Variants in UGT3A1 observed in about 807,000 individuals in gnomAD.
The protein encoded by UGT3A1 is UDP-glycosyltransferase 3A1.
UGT3A1 carries 40 observed loss-of-function variants against 37.6 expected under a neutral mutation model. That is an observed-to-expected ratio of 1.06 (90% CI 0.83 to 1.38). UGT3A1 has a LOEUF of 1.38. UGT3A1 is among the 40% of genes most tolerant of loss of function. The probability of loss-of-function intolerance (pLI) is 0.00; values close to 1 mark genes in which losing one functional copy is unlikely to be tolerated. For synonymous variants in UGT3A1, 256 were observed against 232.3 expected (o/e 1.10, Z -0.93); for missense variants, 642 against 634.2 (o/e 1.01, Z -0.13).
intron 3 of UGT3A1, 52 bp from the exon 4 acceptor site, chr5:35,965,969 T>C: frequency 1.5e-6 from 2 of 1,357,340 alleles, no homozygotes; most frequent in South Asian, 1.6e-5. Context: ...AATTTTACAG[T>C]ATTTGGGAGA....
At chr5:35,957,571 C>A in intron 4 of UGT3A1, 152 bp from the exon 5 acceptor site, 1 of 671,988 alleles carries the variant, frequency 1.5e-6, no homozygotes. Context: ...TGGCACAGCT[C>A]AGTGACCTCT....
chr5:35,985,389 T>C (rs1011138031), intron 2 of UGT3A1, among the ~76,000 whole-genome samples: 31 of 152,256 alleles, frequency 2.0e-4, no homozygotes, highest in African/African-American at 7.5e-4. Context: ...TAAAAGATCC[T>C]GAGTAACCAA....
chr5:35,972,072 C>T (rs1221818990), intron 2 of UGT3A1, among the ~76,000 whole-genome samples: 2 of 147,842 alleles, frequency 1.4e-5, no homozygotes, highest in African/African-American at 5.0e-5. Flanking sequence ...AAGTCCAGAG[C>T]TGTCGTTCAA....
intron 2 of UGT3A1, among the ~76,000 whole-genome samples, chr5:35,977,814 T>A (rs1214245290): frequency 6.6e-6 from 1 of 152,176 alleles, no homozygotes; most frequent in Non-Finnish European, 1.5e-5. Context: ...TACCTTATAA[T>A]CCCATTTACG....
intron 6 of UGT3A1, 121 bp from the exon 7 acceptor site, chr5:35,954,599 G>A: frequency 1.5e-6 from 2 of 1,292,680 alleles, no homozygotes; most frequent in South Asian, 1.5e-5. Context: ...ACCAAGGCTG[G>A]GCTGCAAAGA....
rs369625698 is a variant in UGT3A1 at position 35,991,260 on chromosome 5, G to A, written c.-20C>T. The A allele has an allele frequency of 5.0e-6, 8 of 1,614,146 alleles. No homozygotes were observed. Among genetic ancestry groups the A allele is most frequent in the Non-Finnish European group, 6.8e-6 (8 of 1,179,972 alleles). On this transcript the variant is annotated 5_prime_UTR_variant, in exon 1 of 7. Coordinates refer to ENST00000274278, the MANE Select transcript of UGT3A1 (RefSeq NM_152404.4). ...AACCATGCTCACTTCCACAGAAGCA[G>A]CGGATCTCAGCCTGGGCTGCGCGCC...
At position 35,952,552 on chromosome 5, in the gene UGT3A1, T is replaced by C. The variant is rs1361581294; in HGVS notation, c.*1650A>G. 1 of 152,152 alleles carries C rather than the reference T, an allele frequency of 6.6e-6. No homozygotes were observed. Among genetic ancestry groups the C allele is most frequent in the East Asian group, 1.9e-4 (1 of 5,194 alleles). The allele number at this position is 152,152 out of a possible 1,614,324, so 9.4% of individuals were successfully genotyped here. The stretch of plus-strand genomic sequence containing the variant: ...GTTGACCTCAATGAATTACCAAGTG[T>C]TAGAGAAAGGCTATGTTCTGGGGTG... On this transcript the variant is annotated 3_prime_UTR_variant, in exon 7 of 7. Coordinates refer to ENST00000274278, the MANE Select transcript of UGT3A1 (RefSeq NM_152404.4).
chr5:35,990,858 GTCCT>G (rs1287076718), intron 1 of UGT3A1: 12 of 1,151,158 alleles, frequency 1.0e-5, no homozygotes, highest in Non-Finnish European at 1.3e-5. Context: ...TCAAGCTCTG[GTCCT>G]GGTCTCAAAT....
intron 2 of UGT3A1, among the ~76,000 whole-genome samples, chr5:35,985,118 CA>C (rs1228525326): frequency 1.6e-5 from 2 of 125,360 alleles, no homozygotes; most frequent in Non-Finnish European, 3.5e-5. Context: ...ATAATAGCTA[CA>C]AAAAATATAA....
At chr5:35,988,914 T>C (rs1018688398) in intron 1 of UGT3A1, among the ~76,000 whole-genome samples, 1 of 152,158 alleles carries the variant, frequency 6.6e-6, no homozygotes, top group East Asian at 1.9e-4. Context: ...AGAGATATTG[T>C]CTCCAAAATA....
At chr5:35,965,019 T>A (rs1739741718) in intron 4 of UGT3A1, among the ~76,000 whole-genome samples, 1 of 152,242 alleles carries the variant, frequency 6.6e-6, no homozygotes, top group African/African-American at 2.4e-5. Flanking sequence ...TGTGAGTAGC[T>A]CATCTCCTTA....
At chr5:35,978,019 T>C (rs1292908016) in intron 2 of UGT3A1, among the ~76,000 whole-genome samples, 1 of 152,164 alleles carries the variant, frequency 6.6e-6, no homozygotes, top group Non-Finnish European at 1.5e-5. Context: ...CATCAAATTG[T>C]ACATATGTTT....
rs1012192667 is a variant in UGT3A1, at chr5:35,991,363, C to A, written c.-123G>T. Reference sequence around the variant, plus strand: ...TGTGGGCCTAGGAAGAGGTAGGAGACGGATCCTGCCAATTCTCTCGCCCTT... The same window carrying A: ...TGTGGGCCTAGGAAGAGGTAGGAGAAGGATCCTGCCAATTCTCTCGCCCTT... On this transcript the variant is annotated 5_prime_UTR_variant, in exon 1 of 7. Coordinates refer to ENST00000274278, the MANE Select transcript of UGT3A1 (RefSeq NM_152404.4). 25 of 1,499,438 alleles carry A rather than the reference C, an allele frequency of 1.7e-5. No homozygotes were observed. In the South Asian group the frequency reaches 1.9e-4, roughly 11 times the overall value. 92.9% of individuals were successfully genotyped at this position (1,499,438 alleles called of 1,614,324 possible).
At chr5:35,960,478 C>A (rs141264979) in intron 4 of UGT3A1, among the ~76,000 whole-genome samples, 215 of 152,308 alleles carry the variant, frequency 1.4e-3, no homozygotes, top group African/African-American at 4.8e-3. Flanking sequence ...AGTTTGGCCG[C>A]AGCCTCCGCT....
At chr5:35,984,943 A>T (rs866767871) in intron 2 of UGT3A1, among the ~76,000 whole-genome samples, 9 of 152,184 alleles carry the variant, frequency 5.9e-5, no homozygotes, top group South Asian at 2.1e-4. Flanking sequence ...TATATTCTAT[A>T]AGTTCAAATG....
chr5:35,965,188 C>G (rs1226410564), intron 4 of UGT3A1, among the ~76,000 whole-genome samples, 198 bp downstream of exon 4: 3 of 152,150 alleles, frequency 2.0e-5, no homozygotes. Flanking sequence ...AAGGAGATCT[C>G]TATCTCAGGA....
chr5:35,991,679 C>T (rs971298493), upstream of UGT3A1: 21 of 983,630 alleles, frequency 2.1e-5, no homozygotes, highest in Non-Finnish European at 2.5e-5. Context: ...TTCCAGCTGC[C>T]TCTATTACCT....
rs1435323805 is a variant in UGT3A1, at chr5:35,952,959, C to CTG, written c.*1242_*1243insCA. ...TCTGCAGGAGCATTTGTAACAGTTT[C>CTG]ATCTTTTGATCTGAATTGTTTCAAG... On this transcript the variant is annotated 3_prime_UTR_variant, in exon 7 of 7. Coordinates refer to ENST00000274278, the MANE Select transcript of UGT3A1 (RefSeq NM_152404.4). The CTG allele has an allele frequency of 6.6e-6, 1 of 152,152 alleles. No homozygotes were observed. The highest frequency in any genetic ancestry group is 1.5e-5 in the Non-Finnish European group (1 of 68,018). 9.4% of individuals were successfully genotyped at this position (152,152 alleles called of 1,614,324 possible). A position where few individuals can be genotyped will look rare whatever the true frequency, so the allele number is the denominator to read the frequency against.
chr5:35,976,009 G>A (rs779683852), intron 2 of UGT3A1, among the ~76,000 whole-genome samples: 2 of 152,050 alleles, frequency 1.3e-5, no homozygotes, highest in Middle Eastern at 3.2e-3. Flanking sequence ...GGGTAGAAAT[G>A]GCAGCATCAC....
Sources: gnomAD v4.1 joint callset for allele counts (sites outside exome capture counted in the v4.1 genomes callset) on GRCh38, gnomAD v4.1.1 for gene constraint, MANE v1.5 for transcripts, NCBI Gene and HGNC (gene_info 2026-07-23, HGNC 2026-07-21) for gene names.